Variants in CCSER2 observed in about 807,000 individuals in gnomAD.
CCSER2 encodes serine-rich coiled-coil domain-containing protein 2.
CCSER2 carries 46 observed loss-of-function variants against 92.3 expected under a neutral mutation model. The ratio of observed to expected loss-of-function variants is 0.50; its 90% CI spans 0.39 to 0.64. CCSER2 has a LOEUF of 0.64. Among genes scored for constraint, CCSER2 ranks in the 30% least tolerant of loss-of-function variants. CCSER2 has a pLI of 0.00. For missense variants in CCSER2, 1,244 were observed against 1,238.9 expected (o/e 1.00, Z -0.06); for synonymous variants, 433 against 431.4 (o/e 1.00, Z -0.04).
chr10:84,469,064 A>G (rs1204891155), intron 7 of CCSER2, among the ~76,000 whole-genome samples: 2 of 152,162 alleles, frequency 1.3e-5, no homozygotes, highest in African/African-American at 2.4e-5. Context: ...ATGATCTTAA[A>G]TGTTTAGACA....
chr10:84,441,530 A>C (rs1844534013), intron 6 of CCSER2, among the ~76,000 whole-genome samples: 1 of 151,942 alleles, frequency 6.6e-6, no homozygotes, highest in South Asian at 2.1e-4. Context: ...ATTTATTCAA[A>C]TTTATAATGA....
intron 9 of CCSER2, among the ~76,000 whole-genome samples, chr10:84,501,114 C>CTA: frequency 6.6e-6 from 1 of 152,264 alleles, no homozygotes; most frequent in African/African-American, 2.4e-5. Flanking sequence ...TCCTCCTTTT[C>CTA]TATCTCCCAC....
intron 8 of CCSER2, among the ~76,000 whole-genome samples, chr10:84,471,301 A>G (rs1203541534): frequency 1.3e-5 from 2 of 152,136 alleles, no homozygotes; most frequent in African/African-American, 2.4e-5. Flanking sequence ...AAGTAGCATA[A>G]TATTACAAAT....
At chr10:84,333,313 C>T (rs566380864) in intron 1 of CCSER2, among the ~76,000 whole-genome samples, 48 of 152,216 alleles carry the variant, frequency 3.2e-4, no homozygotes, top group African/African-American at 1.1e-3. Flanking sequence ...ACATTGAGTG[C>T]TGGGTGTTTT....
At chr10:84,352,933 G>A (rs1844945034) in intron 1 of CCSER2, among the ~76,000 whole-genome samples, 1 of 151,986 alleles carries the variant, frequency 6.6e-6, no homozygotes, top group Non-Finnish European at 1.5e-5. Flanking sequence ...TGGGATTACA[G>A]GCATGTGCCC....
At chr10:84,446,028 A>G (rs1336370975) in intron 6 of CCSER2, among the ~76,000 whole-genome samples, 5 of 151,404 alleles carry the variant, frequency 3.3e-5, no homozygotes, top group African/African-American at 9.7e-5. Context: ...AGATACTACA[A>G]AGGTTTTCTA....
At chr10:84,462,721 A>G (rs1047606644) in intron 6 of CCSER2, among the ~76,000 whole-genome samples, 2 of 152,224 alleles carry the variant, frequency 1.3e-5, no homozygotes, top group African/African-American at 4.8e-5. Context: ...ACTGTCAATC[A>G]GCATTACCTT....
Position 84,463,958 on chromosome 10 carries a change from A to C in CCSER2, c.2090A>C (p.Asp697Ala). Residue 697 changes from aspartate (D) to alanine (A), a missense_variant, in exon 7 of 10, where the codon GAT becomes GCT. Asp to Ala is a moderately radical substitution (Grantham distance 126). Transcript: ENST00000372088. ...CATGATGGAAGTGGTTCATTGCATG[A>C]TATTCAACTGTCATTGCCATCCAGT... ...HQHDGSGSLH[D>A]IQLSLPSSPE... 1.9e-6 allele frequency: 3 copies of C among 1,610,980 alleles called. No homozygotes were observed. Among genetic ancestry groups the C allele is most frequent in the Non-Finnish European group, 2.5e-6 (3 of 1,177,454 alleles).
At chr10:84,384,690 C>T (rs1432407450) in intron 3 of CCSER2, among the ~76,000 whole-genome samples, 1 of 152,134 alleles carries the variant, frequency 6.6e-6, no homozygotes, top group African/African-American at 2.4e-5. Flanking sequence ...AAGTTGAAAG[C>T]ATTTCCCCTA....
intron 1 of CCSER2, among the ~76,000 whole-genome samples, chr10:84,345,366 A>T (rs1844419149): frequency 6.6e-6 from 1 of 152,326 alleles, no homozygotes; most frequent in East Asian, 1.9e-4. Context: ...TCCTCTTAAT[A>T]CAACTCAGAA....
chr10:84,457,143 G>A (rs778114548), intron 6 of CCSER2, among the ~76,000 whole-genome samples: 5 of 139,430 alleles, frequency 3.6e-5, no homozygotes, highest in Admixed American at 8.0e-5. Flanking sequence ...TATGAGTTAC[G>A]CATTATGCTC....
intron 3 of CCSER2, among the ~76,000 whole-genome samples, chr10:84,393,028 G>T (rs1841614218): frequency 6.6e-6 from 1 of 152,056 alleles, no homozygotes; most frequent in Admixed American, 6.6e-5. Context: ...TACCTATGTT[G>T]CAGCAATTTG....
At chr10:84,365,781 C>T (rs1845747235) in intron 1 of CCSER2, among the ~76,000 whole-genome samples, 1 of 152,104 alleles carries the variant, frequency 6.6e-6, no homozygotes, top group Non-Finnish European at 1.5e-5. Context: ...ATTTTCTTTC[C>T]GTGGTCTACT....
intron 3 of CCSER2, among the ~76,000 whole-genome samples, chr10:84,380,942 A>C (rs1237254310): frequency 1.3e-5 from 2 of 151,882 alleles, no homozygotes; most frequent in Non-Finnish European, 2.9e-5. Context: ...TGATCTGCCC[A>C]CCTCGGCCTC....
At chr10:84,469,555 G>T (rs1846653199) in intron 7 of CCSER2, among the ~76,000 whole-genome samples, 1 of 151,992 alleles carries the variant, frequency 6.6e-6, no homozygotes, top group African/African-American at 2.4e-5. Context: ...CTAATTATTT[G>T]CTTACTTGTT....
chr10:84,386,937 T>C (rs1394911784), intron 3 of CCSER2, among the ~76,000 whole-genome samples: 1 of 151,974 alleles, frequency 6.6e-6, no homozygotes, highest in African/African-American at 2.4e-5. Context: ...ACTTCAGAAG[T>C]GGGGAGGATG....
At chr10:84,484,490 CGTGTGTGT>C (rs143391336) in intron 9 of CCSER2, among the ~76,000 whole-genome samples, 6 of 147,398 alleles carry the variant, frequency 4.1e-5, no homozygotes, top group African/African-American at 7.4e-5. Flanking sequence ...TGTGCATGCA[CGTGTGTGT>C]GTGTGTGTGT....
rs1359071704 is a variant in CCSER2, at chr10:84,328,794, C to G, written c.-54C>G. The G allele has an allele frequency of 1.3e-5, 2 of 151,272 alleles. No homozygotes were observed. Among genetic ancestry groups the G allele is most frequent in the Non-Finnish European group, 3.0e-5 (2 of 67,736 alleles). 9.4% of individuals were successfully genotyped at this position (151,272 alleles called of 1,614,324 possible). ...AGCTGGGCCGCGGCCGAGGAGGCAGCGCGACCTCCGCACGGTGAGATCCGG... is the reference window on the plus strand; with the variant it reads ...AGCTGGGCCGCGGCCGAGGAGGCAGGGCGACCTCCGCACGGTGAGATCCGG... On this transcript the variant is annotated 5_prime_UTR_variant, in exon 1 of 10. Transcript: ENST00000372088.
At chr10:84,493,065 A>AT (rs1376935699) in intron 9 of CCSER2, among the ~76,000 whole-genome samples, 1 of 152,196 alleles carries the variant, frequency 6.6e-6, no homozygotes, top group African/African-American at 2.4e-5. Context: ...ATTTAGTAGA[A>AT]TTTAGCAGTA....
Sources: allele counts gnomAD v4.1 joint callset (sites outside exome capture counted in the v4.1 genomes callset), GRCh38; gene constraint gnomAD v4.1.1; transcripts MANE v1.5; gene names NCBI Gene and HGNC (gene_info 2026-07-23, HGNC 2026-07-21).